CD1B: variants seen among roughly 807,000 people sequenced by gnomAD.
CD1B encodes T-cell surface glycoprotein CD1b.
A neutral mutation model predicts 39.8 loss-of-function variants in CD1B; 43 were observed. The ratio of observed to expected loss-of-function variants is 1.08; its 90% confidence interval spans 0.85 to 1.39. The LOEUF (loss-of-function observed/expected upper bound fraction) is 1.39. CD1B is among the 40% of genes most tolerant of loss of function. The pLI, the probability that CD1B is intolerant of heterozygous loss-of-function variation, is 0.00. For synonymous variants in CD1B, 192 were observed against 152.5 expected, an observed-to-expected ratio of 1.26 and a Z score of -1.91; for missense variants, 495 against 403.8, an observed-to-expected ratio of 1.23 and a Z score of -1.94.
chr1:158,331,242 A>T, intron 1 of CD1B, 121 bp downstream of exon 1: 1 of 1,101,588 alleles, frequency 9.1e-7, no homozygotes, highest in South Asian at 1.4e-5. Context: ...GAATGGTTGA[A>T]GAGGGCGGGA....
At chr1:158,318,693 T>C in the CD1B span, among the ~76,000 whole-genome samples, 1 of 152,316 alleles carries the variant, frequency 6.6e-6, no homozygotes, top group East Asian at 1.9e-4. Context: ...TGTGTGAATT[T>C]GATCCTGTCA....
the CD1B span, among the ~76,000 whole-genome samples, chr1:158,309,819 C>T: frequency 7.0e-4 from 67 of 95,802 alleles, no homozygotes; most frequent in Admixed American, 4.5e-4. Flanking sequence ...TATCACATAC[C>T]GGGGCCTGTT....
downstream of CD1B, among the ~76,000 whole-genome samples, chr1:158,323,338 G>A (rs1215260430): frequency 2.6e-5 from 4 of 151,648 alleles, no homozygotes; most frequent in Admixed American, 2.6e-4. Flanking sequence ...ATTTCTGTTA[G>A]ATTTTTCATT....
chr1:158,286,321 T>C, the CD1B span, among the ~76,000 whole-genome samples: 2 of 152,190 alleles, frequency 1.3e-5, no homozygotes, highest in Non-Finnish European at 2.9e-5. Flanking sequence ...TTTATATCAA[T>C]TTCAGATTCT....
chr1:158,331,151 C>G (rs1652587163), intron 1 of CD1B, 89 bp from the exon 2 acceptor site: 1 of 1,371,494 alleles, frequency 7.3e-7, no homozygotes, highest in East Asian at 2.3e-5. Context: ...ATTTAGAAAA[C>G]AAGAACCTAG....
chr1:158,325,226 A>G (rs1235657488), downstream of CD1B, among the ~76,000 whole-genome samples: 3 of 152,124 alleles, frequency 2.0e-5, no homozygotes, highest in East Asian at 3.9e-4. Context: ...GGGCACTTTG[A>G]GGTCCCTGAC....
At chr1:158,306,441 A>C in the CD1B span, among the ~76,000 whole-genome samples, 1 of 152,150 alleles carries the variant, frequency 6.6e-6, no homozygotes, top group Non-Finnish European at 1.5e-5. Context: ...AAGTGATTAG[A>C]GGCCTAGAAA....
the CD1B span, among the ~76,000 whole-genome samples, chr1:158,306,161 C>T: frequency 4.6e-5 from 7 of 152,174 alleles, no homozygotes; most frequent in African/African-American, 1.7e-4. Flanking sequence ...CAAGACCCAT[C>T]AGTGTGCTGT....
chr1:158,313,217 G>A, the CD1B span, among the ~76,000 whole-genome samples: 3 of 152,146 alleles, frequency 2.0e-5, no homozygotes, highest in Admixed American at 6.6e-5. Flanking sequence ...TTAAAGGCTG[G>A]TCTTTTAAGT....
chr1:158,307,953 C>A, the CD1B span, among the ~76,000 whole-genome samples: 2 of 152,202 alleles, frequency 1.3e-5, no homozygotes, highest in African/African-American at 4.8e-5. Context: ...CTCACCACTC[C>A]TATTCAACAT....
At chr1:158,311,738 AT>A in the CD1B span, among the ~76,000 whole-genome samples, 4 of 152,102 alleles carry the variant, frequency 2.6e-5, no homozygotes, top group African/African-American at 9.7e-5. Context: ...TCCCAGCACT[AT>A]TTATTGAAGA....
At chr1:158,289,730 C>T in the CD1B span, 1 of 205,810 alleles carries the variant, frequency 4.9e-6, no homozygotes, top group Non-Finnish European at 9.8e-6. Flanking sequence ...AAATGACATG[C>T]AAAATCCAGA....
At chr1:158,291,721 AG>A in the CD1B span, among the ~76,000 whole-genome samples, 1 of 152,108 alleles carries the variant, frequency 6.6e-6, no homozygotes, top group South Asian at 2.1e-4. Context: ...ATTTCTTCAA[AG>A]ATCTATGTCC....
At position 158,330,203 on chromosome 1, in the gene CD1B, T is replaced by G. The variant is rs1652542279; in HGVS notation, c.329-73A>C. ...AAAGGCATGAGAAAAGAACCTAGGA[T>G]TTTAGATTTTGGTGGGGATAAAGTT... On this transcript the variant is annotated intron_variant, in intron 2 of 5. Coordinates refer to ENST00000368168, the MANE Select transcript of CD1B (RefSeq NM_001764.3). 3.6e-6 allele frequency: 5 copies of G among 1,393,414 alleles called. No homozygotes were observed. In the South Asian group the frequency reaches 5.6e-5, roughly 15 times the overall value. The allele number at this position is 1,393,414 out of a possible 1,614,324, so 86.3% of individuals were successfully genotyped here.
At chr1:158,295,299 C>T in the CD1B span, among the ~76,000 whole-genome samples, 30 of 152,042 alleles carry the variant, frequency 2.0e-4, no homozygotes, top group South Asian at 2.1e-4. Flanking sequence ...GAAGAAGCTG[C>T]GAACCCTACA....
chr1:158,301,787 A>G, the CD1B span, among the ~76,000 whole-genome samples: 2 of 151,928 alleles, frequency 1.3e-5, no homozygotes, highest in Non-Finnish European at 2.9e-5. Context: ...CTCATGGAGT[A>G]TCTTTGTGGT....
chr1:158,316,791 G>A, the CD1B span, among the ~76,000 whole-genome samples: 1 of 151,624 alleles, frequency 6.6e-6, no homozygotes, highest in Non-Finnish European at 1.5e-5. Flanking sequence ...ATTGGCTGTG[G>A]GTTTGTCATA....
At chr1:158,319,197 C>T in the CD1B span, among the ~76,000 whole-genome samples, 1 of 151,014 alleles carries the variant, frequency 6.6e-6, no homozygotes, top group Non-Finnish European at 1.5e-5. Context: ...TTTCCTGAAT[C>T]TGAACGTTGG....
chr1:158,324,637 C>A (rs943989756), downstream of CD1B, among the ~76,000 whole-genome samples: 3 of 152,000 alleles, frequency 2.0e-5, no homozygotes, highest in African/African-American at 7.2e-5. Context: ...GATATTTATC[C>A]TCAAAAAAAT....
Sources: gnomAD v4.1 joint callset for allele counts (sites outside exome capture counted in the v4.1 genomes callset) on GRCh38, gnomAD v4.1.1 for gene constraint, MANE v1.5 for transcripts, NCBI Gene and HGNC (gene_info 2026-07-23, HGNC 2026-07-21) for gene names.